AKIP1: variants seen among roughly 807,000 people sequenced by gnomAD.
The protein encoded by AKIP1 is A-kinase-interacting protein 1.
Under a neutral mutation model 22.3 loss-of-function variants are expected in AKIP1, and 18 were observed. The observed-to-expected ratio is 0.81, with a 90% CI of 0.56 to 1.19. The LOEUF (loss-of-function observed/expected upper bound fraction) is 1.19, where lower values mean the gene tolerates loss of function less well. AKIP1 is among the 50% of genes most tolerant of loss of function. The pLI is 0.00. For missense variants in AKIP1, 287 were observed against 264.6 expected (o/e 1.08, Z -0.59); for synonymous variants, 120 against 102.7 (o/e 1.17, Z -1.02).
At position 8,919,062 on chromosome 11, in the gene AKIP1, T is replaced by C. The variant is rs187660595; in HGVS notation, c.490-275T>C. Reference sequence around the variant, plus strand: ...TCCAAGTAGAGTGTTCTTTTTATAATCCTTCATGTTCATATAACACTTTAG... The same window carrying C: ...TCCAAGTAGAGTGTTCTTTTTATAACCCTTCATGTTCATATAACACTTTAG... On this transcript the variant is annotated intron_variant, in intron 5 of 5. Coordinates refer to ENST00000309377, the MANE Select transcript of AKIP1 (RefSeq NM_020642.4). 4.6e-5 allele frequency among the ~76,000 whole-genome samples: 7 copies of C among 152,378 alleles called. No individual in the cohort carries two copies. The East Asian group carries it at 1.2e-3, about 25-fold the overall frequency.
intron 4 of AKIP1, 58 bp from the exon 5 acceptor site, chr11:8,917,229 C>G: frequency 1.6e-6 from 2 of 1,232,654 alleles, no homozygotes; most frequent in Non-Finnish European, 2.3e-6. Flanking sequence ...GAGAACTTCT[C>G]TTTACAATCC....
At position 8,915,324 on chromosome 11, in the gene AKIP1, C is replaced by T. The variant is rs1005996341; in HGVS notation, c.408+394C>T. On this transcript the variant is annotated intron_variant, in intron 4 of 5. Transcript: ENST00000309377. ...TTTTTTTTAAAAGAGCTCTAAATAT[C>T]CTCTTCTACATCTAGGGATAGGATT... Among the ~76,000 whole-genome samples, 4 of 148,160 alleles carry T rather than the reference C, an allele frequency of 2.7e-5. No individual in the cohort carries two copies. In the East Asian group the frequency reaches 7.9e-4, roughly 29 times the overall value.
rs1460411621 is a variant in AKIP1 at position 8,911,221 on chromosome 11, CG to C, written c.-7+1del. ...CGCGCATGCGCCTTGACGAGTGAGC[CG>C]GGTGAGGGGGCTCCCTAAGTAGCGG... On this transcript the variant is annotated splice_region_variant and 5_prime_UTR_variant, in exon 1 of 6. Coordinates refer to ENST00000309377, the MANE Select transcript of AKIP1 (RefSeq NM_020642.4). The C allele has an allele frequency of 3.7e-6, 2 of 547,124 alleles. No homozygotes were observed. The highest frequency in any genetic ancestry group is 6.5e-6 in the Non-Finnish European group (2 of 309,314). The allele number at this position is 547,124 out of a possible 1,614,324, so 33.9% of individuals were successfully genotyped here.
rs2064348703 is a variant in AKIP1 at position 8,911,599 on chromosome 11, G to A, written c.150G>A (p.Gly50=). The stretch of plus-strand genomic sequence containing the variant: ...TGGAGCGTCCCAAAGGCTGCATGGG[G>A]GTCCTTGCCCGGGAGGCGCCCCACC... ...HALERPKGCM[G]VLAREAPHLE... Residue 50 remains glycine (G), a synonymous_variant, in exon 2 of 6, where the codon GGG becomes GGA. Transcript: ENST00000309377. 4 of 1,605,824 alleles carry A rather than the reference G, an allele frequency of 2.5e-6. No homozygotes were observed. The East Asian group carries it at 8.9e-5, about 36-fold the overall frequency.
chr11:8,917,465 A>G (rs1408725116), intron 5 of AKIP1, 98 bp downstream of exon 5: 2 of 916,080 alleles, frequency 2.2e-6, no homozygotes, highest in East Asian at 2.5e-5. Flanking sequence ...TTGAGTCTAT[A>G]GTATTTTTAA....
chr11:8,917,235 A>C lies in AKIP1; in HGVS notation c.409-52A>C, dbSNP rs915038479. ...AAGGTAGAAGAGAACTTCTCTTTACAATCCAAAAGTGAAAGCTTGGGCACA... is the reference window on the plus strand; with the variant it reads ...AAGGTAGAAGAGAACTTCTCTTTACCATCCAAAAGTGAAAGCTTGGGCACA... On this transcript the variant is annotated intron_variant, in intron 4 of 5. Transcript: ENST00000309377. 6 of 1,279,902 alleles carry C rather than the reference A, an allele frequency of 4.7e-6. No individual in the cohort carries two copies. The Admixed American group carries it at 1.3e-4, about 27-fold the overall frequency. The allele number at this position is 1,279,902 out of a possible 1,614,324, so 79.3% of individuals were successfully genotyped here. A position where few individuals can be genotyped will look rare whatever the true frequency, so the allele number is the denominator to read the frequency against.
In AKIP1 at chr11:8,912,543, T is replaced by C. The variant is rs2064398317; in HGVS notation, c.303+10T>C. ...TTCAAGTCAGTGTGGGGTAAGTTGG[T>C]GTGAACCAAAACTATGCCCCATCAC... is the stretch of plus-strand genomic sequence containing the variant. On this transcript the variant is annotated intron_variant, in intron 3 of 5. Transcript: ENST00000309377. The C allele has an allele frequency of 1.2e-6, 2 of 1,612,300 alleles. No homozygotes were observed. Among genetic ancestry groups the C allele is most frequent in the East Asian group, 2.2e-5 (1 of 44,856 alleles).
chr11:8,911,711 G>GC, intron 2 of AKIP1, 40 bp downstream of exon 2: 3 of 1,459,758 alleles, frequency 2.1e-6, no homozygotes, highest in Non-Finnish European at 2.7e-6. Context: ...AGTCCTTCGC[G>GC]CCGCGGTAGC....
intron 5 of AKIP1, 96 bp downstream of exon 5, chr11:8,917,463 A>G (rs750315776): frequency 9.4e-6 from 9 of 957,180 alleles, no homozygotes; most frequent in Admixed American, 3.9e-5. Flanking sequence ...AATTGAGTCT[A>G]TAGTATTTTT....
rs1812976889 is a variant in AKIP1 at position 8,919,794 on chromosome 11, G to A, written c.*314G>A. On this transcript the variant is annotated 3_prime_UTR_variant, in exon 6 of 6. Coordinates refer to ENST00000309377, the MANE Select transcript of AKIP1 (RefSeq NM_020642.4). ...TGGCACTACAGGCACCCGCCACCAT[G>A]CCCGGCTATTTTTTTTGTATTTTTA... is the stretch of plus-strand genomic sequence containing the variant. 1 of 215,950 alleles carries A rather than the reference G, an allele frequency of 4.6e-6. No individual in the cohort carries two copies. Among genetic ancestry groups the A allele is most frequent in the Non-Finnish European group, 9.2e-6 (1 of 108,214 alleles). 13.4% of individuals were successfully genotyped at this position (215,950 alleles called of 1,614,324 possible). A position where few individuals can be genotyped will look rare whatever the true frequency, so the allele number is the denominator to read the frequency against.
At position 8,919,381 on chromosome 11, in the gene AKIP1, G is replaced by C. The variant is rs1174749411; in HGVS notation, c.534G>C (p.Gly178=). The C allele has an allele frequency of 6.2e-7, 1 of 1,614,100 alleles. No homozygotes were observed. The highest frequency in any genetic ancestry group is 1.1e-5 in the South Asian group (1 of 91,076). Residue 178 remains glycine, a synonymous_variant, in exon 6 of 6, where the codon GGG becomes GGC. Transcript: ENST00000309377. The stretch of plus-strand genomic sequence containing the variant: ...ACCTCTACATAGAAGTATATCCAGG[G>C]ACCTATTCTGTCACTGTGGGCTCAA... ...SKDLYIEVYP[G]TYSVTVGSND... is the part of the protein sequence containing the mutation.
intron 4 of AKIP1, among the ~76,000 whole-genome samples, chr11:8,916,340 T>G (rs2064485886): frequency 6.6e-6 from 1 of 152,116 alleles, no homozygotes; most frequent in Admixed American, 6.5e-5. Context: ...TTTGTAAAGG[T>G]AATAACAGTT....
intron 4 of AKIP1, among the ~76,000 whole-genome samples, chr11:8,916,898 C>T (rs906491673): frequency 3.3e-5 from 5 of 152,184 alleles, no homozygotes; most frequent in Admixed American, 1.3e-4. Context: ...AGGACCACCC[C>T]CACTCCTAGA....
At chr11:8,912,185 G>C (rs549087851) in intron 2 of AKIP1, among the ~76,000 whole-genome samples, 136 of 122,410 alleles carry the variant, frequency 1.1e-3, no homozygotes, top group African/African-American at 4.5e-3. Context: ...CAACAAGAGC[G>C]AAACCTCCGT....
chr11:8,916,768 G>A (rs2064492090), intron 4 of AKIP1, among the ~76,000 whole-genome samples: 1 of 152,112 alleles, frequency 6.6e-6, no homozygotes, highest in South Asian at 2.1e-4. Context: ...TTACCTAAAC[G>A]CACCTGACCC....
At chr11:8,917,819 GT>G (rs1333233336) in intron 5 of AKIP1, 5 of 214,894 alleles carry the variant, frequency 2.3e-5, no homozygotes, top group Non-Finnish European at 3.6e-5. Context: ...TTCCACAAAT[GT>G]TTCTCTGTAA....
chr11:8,911,955 T>C (rs1318075316), intron 2 of AKIP1, among the ~76,000 whole-genome samples: 2 of 149,674 alleles, frequency 1.3e-5, no homozygotes, highest in East Asian at 3.9e-4. Flanking sequence ...CCCAGCACTT[T>C]GGGAGGCCGA....
At chr11:8,915,915 C>T (rs2064478700) in intron 4 of AKIP1, among the ~76,000 whole-genome samples, 1 of 151,492 alleles carries the variant, frequency 6.6e-6, no homozygotes, top group South Asian at 2.1e-4. Context: ...GCTCTGCCTC[C>T]CTGGTTCACG....
rs1183899352 is a variant in AKIP1, at chr11:8,911,205, G to A, written c.-25G>A. 15 of 533,948 alleles carry A rather than the reference G, an allele frequency of 2.8e-5. No individual in the cohort carries two copies. The East Asian group carries it at 4.3e-4, about 15-fold the overall frequency. The allele number at this position is 533,948 out of a possible 1,614,324, so 33.1% of individuals were successfully genotyped here. A position where few individuals can be genotyped will look rare whatever the true frequency, so the allele number is the denominator to read the frequency against. On this transcript the variant is annotated 5_prime_UTR_variant, in exon 1 of 6. Coordinates refer to ENST00000309377, the MANE Select transcript of AKIP1 (RefSeq NM_020642.4). ...TCCTAGAATAGCGTTGCGCGCATGC[G>A]CCTTGACGAGTGAGCCGGGTGAGGG... is the stretch of plus-strand genomic sequence containing the variant.
Sources: gnomAD v4.1 joint callset for allele counts (sites outside exome capture counted in the v4.1 genomes callset) on GRCh38, gnomAD v4.1.1 for gene constraint, MANE v1.5 for transcripts, NCBI Gene and HGNC (gene_info 2026-07-23, HGNC 2026-07-21) for gene names.